The following CTNNA3 variants were observed in gnomAD, a reference collection of about 807,000 sequenced individuals.
The protein encoded by CTNNA3 is catenin alpha-3.
CTNNA3 carries 76 observed loss-of-function variants against 95.7 expected under a neutral mutation model. The ratio of observed to expected loss-of-function variants is 0.79; its 90% CI spans 0.66 to 0.96. The LOEUF (loss-of-function observed/expected upper bound fraction) is 0.96, where lower values mean the gene tolerates loss of function less well. CTNNA3 is among the 40% of genes least tolerant of loss of function. The probability of loss-of-function intolerance (pLI) is 0.00; values close to 1 mark genes in which losing one functional copy is unlikely to be tolerated. For missense variants in CTNNA3, 1,191 were observed against 1,089.8 expected (o/e 1.09, Z -1.31); for synonymous variants, 431 against 374.4 (o/e 1.15, Z -1.74).
At chr10:66,408,911 A>C (rs943301755) in intron 11 of CTNNA3, among the ~76,000 whole-genome samples, 5 of 152,082 alleles carry the variant, frequency 3.3e-5, no homozygotes, top group African/African-American at 1.2e-4. Context: ...CACATATCTC[A>C]TTTTCTTGAC....
intron 3 of CTNNA3, among the ~76,000 whole-genome samples, chr10:67,585,065 C>A (rs1228354225): frequency 5.9e-5 from 9 of 152,226 alleles, no homozygotes; most frequent in Non-Finnish European, 1.3e-4. Flanking sequence ...ATGGGCTGCA[C>A]CCACTGTCCA....
At chr10:66,810,187 T>C (rs1001924339) in intron 7 of CTNNA3, among the ~76,000 whole-genome samples, 1 of 152,204 alleles carries the variant, frequency 6.6e-6, no homozygotes, top group Non-Finnish European at 1.5e-5. Flanking sequence ...ACATTATTAA[T>C]TGTGAATTAC....
At chr10:66,152,558 AT>A (rs1452413172) in intron 13 of CTNNA3, among the ~76,000 whole-genome samples, 1 of 151,974 alleles carries the variant, frequency 6.6e-6, no homozygotes, top group Admixed American at 6.6e-5. Flanking sequence ...TCTTATAGAC[AT>A]TAATCAAAGT....
chr10:66,702,130 TTA>T (rs929216141), intron 9 of CTNNA3, among the ~76,000 whole-genome samples: 62 of 151,904 alleles, frequency 4.1e-4, no homozygotes, highest in African/African-American at 1.5e-3. Flanking sequence ...GGCATGCCAT[TTA>T]CACAGTAAAA....
intron 1 of CTNNA3, among the ~76,000 whole-genome samples, chr10:67,705,643 G>C (rs1206436421): frequency 9.1e-5 from 10 of 110,064 alleles, no homozygotes; most frequent in Non-Finnish European, 1.8e-4. Context: ...TGGGGGGAGG[G>C]GGGAGGGATA....
intron 9 of CTNNA3, among the ~76,000 whole-genome samples, chr10:66,686,911 T>A (rs1322258745): frequency 1.3e-5 from 2 of 152,112 alleles, no homozygotes; most frequent in South Asian, 2.1e-4. Context: ...TGTTTTTTTG[T>A]CACAACATAA....
intron 7 of CTNNA3, among the ~76,000 whole-genome samples, chr10:66,896,914 C>A (rs1054538406): frequency 6.6e-6 from 1 of 152,196 alleles, no homozygotes; most frequent in Admixed American, 6.5e-5. Context: ...CCATGCTCAC[C>A]TCCATTAGTC....
At chr10:66,842,346 AC>A (rs1297156309) in intron 7 of CTNNA3, among the ~76,000 whole-genome samples, 1 of 152,186 alleles carries the variant, frequency 6.6e-6, no homozygotes, top group African/African-American at 2.4e-5. Context: ...AAAAGGAAAA[AC>A]AACGAAAGGC....
intron 5 of CTNNA3, among the ~76,000 whole-genome samples, chr10:67,288,496 A>G (rs139785848): frequency 3.3e-5 from 5 of 152,338 alleles, no homozygotes; most frequent in Non-Finnish European, 5.9e-5. Context: ...ATGAATTTGT[A>G]CTGCATATTA....
chr10:65,928,490 T>C (rs1340057157), intron 17 of CTNNA3, among the ~76,000 whole-genome samples: 8 of 152,222 alleles, frequency 5.3e-5, no homozygotes, highest in Non-Finnish European at 1.0e-4. Flanking sequence ...ATATGATCCA[T>C]GTAGGTGGAG....
intron 9 of CTNNA3, among the ~76,000 whole-genome samples, chr10:66,748,692 G>A (rs927915143): frequency 6.6e-6 from 1 of 152,042 alleles, no homozygotes; most frequent in Non-Finnish European, 1.5e-5. Flanking sequence ...AATTAATTCA[G>A]TTTATTTTTA....
At chr10:67,041,631 G>A (rs1854400951) in intron 7 of CTNNA3, among the ~76,000 whole-genome samples, 1 of 151,984 alleles carries the variant, frequency 6.6e-6, no homozygotes, top group Admixed American at 6.6e-5. Context: ...TCATGTTTTT[G>A]GCTACCTCAT....
intron 5 of CTNNA3, among the ~76,000 whole-genome samples, chr10:67,495,443 T>C (rs76372717): frequency 0.017 from 2,587 of 152,304 alleles, 76 homozygotes; most frequent in African/African-American, 0.057. Context: ...ATACAGGGCC[T>C]GAGATTCACT....
intron 12 of CTNNA3, among the ~76,000 whole-genome samples, chr10:66,307,681 A>G (rs10997051): frequency 0.29 from 44,420 of 151,948 alleles, 7,153 homozygotes; most frequent in East Asian, 0.51. Flanking sequence ...TGTGACACTC[A>G]TTATGAATTT....
intron 9 of CTNNA3, among the ~76,000 whole-genome samples, chr10:66,757,521 G>C (rs1277413817): frequency 6.6e-6 from 1 of 152,118 alleles, no homozygotes; most frequent in Non-Finnish European, 1.5e-5. Context: ...CTAAGCAATA[G>C]CTAAGCAGTT....
At chr10:67,356,599 C>G (rs932163045) in intron 5 of CTNNA3, among the ~76,000 whole-genome samples, 1 of 151,996 alleles carries the variant, frequency 6.6e-6, no homozygotes, top group Non-Finnish European at 1.5e-5. Flanking sequence ...TAACAGCAGC[C>G]CTCCATGACC....
intron 5 of CTNNA3, among the ~76,000 whole-genome samples, chr10:67,342,951 C>T (rs982542297): frequency 6.6e-6 from 1 of 151,820 alleles, no homozygotes; most frequent in Non-Finnish European, 1.5e-5. Flanking sequence ...CGTGGTTCCA[C>T]ATAATTTTCC....
At chr10:67,510,779 T>G (rs929378233) in intron 5 of CTNNA3, among the ~76,000 whole-genome samples, 1 of 152,188 alleles carries the variant, frequency 6.6e-6, no homozygotes, top group Non-Finnish European at 1.5e-5. Context: ...ATAAATTACC[T>G]TGGGCAGTAT....
intron 13 of CTNNA3, among the ~76,000 whole-genome samples, chr10:66,170,222 G>T (rs985870449): frequency 3.8e-4 from 51 of 132,520 alleles, no homozygotes; most frequent in African/African-American, 1.4e-3. Context: ...GAATCCAGTT[G>T]CATTCTCCTC....
Sources: gnomAD v4.1 joint callset for allele counts (sites outside exome capture counted in the v4.1 genomes callset) on GRCh38, gnomAD v4.1.1 for gene constraint, MANE v1.5 for transcripts, NCBI Gene and HGNC (gene_info 2026-07-23, HGNC 2026-07-21) for gene names.